GRIN2A: variants seen among roughly 807,000 people sequenced by gnomAD.
GRIN2A encodes glutamate receptor ionotropic, NMDA 2A.
GRIN2A carries 22 observed loss-of-function variants against 113.4 expected under a neutral mutation model. The ratio of observed to expected loss-of-function variants is 0.19; its 90% CI spans 0.14 to 0.28. GRIN2A has a LOEUF of 0.28. Among genes scored for constraint, GRIN2A ranks in the 10% least tolerant of loss-of-function variants. The probability of loss-of-function intolerance (pLI) is 1.00; values close to 1 mark genes in which losing one functional copy is unlikely to be tolerated. For synonymous variants in GRIN2A, 827 were observed against 738.4 expected, an observed-to-expected ratio of 1.12 and a Z score of -1.94; for missense variants, 1,502 against 1,887.0, an observed-to-expected ratio of 0.80 and a Z score of 3.78.
At position 10,044,022 on chromosome 16, in the gene GRIN2A, T is replaced by TATATATAGAG. The variant is rs531659457; in HGVS notation, c.415-105472_415-105471insCTCTATATAT. 4.9e-3 allele frequency among the ~76,000 whole-genome samples: 526 copies of TATATATAGAG among 107,830 alleles called. 4 individuals carry two copies. The highest frequency in any genetic ancestry group is 0.016 in the African/African-American group (410 of 25,502). 70.7% of individuals were successfully genotyped at this position (107,830 alleles called of 152,430 possible). A position where few individuals can be genotyped will look rare whatever the true frequency, so the allele number is the denominator to read the frequency against. ...GTGTGTGTGTGTATATATATATATATAGAGAGAGAGAGAGAGAGAGAGAGA... is the reference window on the plus strand; with the variant it reads ...GTGTGTGTGTGTATATATATATATATATATATAGAGAGAGAGAGAGAGAGAGAGAGAGAGA... On this transcript the variant is annotated intron_variant, in intron 2 of 12. Coordinates refer to ENST00000330684, the MANE Select transcript of GRIN2A (RefSeq NM_001134407.3).
chr16:9,887,088 T>C (rs900994649), intron 4 of GRIN2A, among the ~76,000 whole-genome samples: 3 of 152,290 alleles, frequency 2.0e-5, no homozygotes, highest in African/African-American at 7.2e-5. Flanking sequence ...GATTTCATCA[T>C]GTTGCCCAGG....
chr16:10,065,328 C>G (rs1230114946), intron 2 of GRIN2A, among the ~76,000 whole-genome samples: 2 of 152,226 alleles, frequency 1.3e-5, no homozygotes, highest in Non-Finnish European at 2.9e-5. Flanking sequence ...GCACCTGCAA[C>G]CCAGAGCATC....
intron 4 of GRIN2A, among the ~76,000 whole-genome samples, chr16:9,888,157 T>C (rs2043622610): frequency 6.6e-6 from 1 of 152,094 alleles, no homozygotes; most frequent in Admixed American, 6.5e-5. Flanking sequence ...GTCAGGCTGG[T>C]CTCGAACTCC....
intron 2 of GRIN2A, among the ~76,000 whole-genome samples, chr16:10,131,890 C>T (rs1459506157): frequency 6.6e-6 from 1 of 152,140 alleles, no homozygotes; most frequent in Non-Finnish European, 1.5e-5. Flanking sequence ...GTTATTATTA[C>T]TACTACTGTT....
chr16:9,992,161 T>C (rs919704639), intron 2 of GRIN2A, among the ~76,000 whole-genome samples: 3 of 152,178 alleles, frequency 2.0e-5, no homozygotes, highest in African/African-American at 7.2e-5. Flanking sequence ...TAGTATTCCA[T>C]GGTATGTTTA....
chr16:10,044,599 T>A (rs539625457), intron 2 of GRIN2A, among the ~76,000 whole-genome samples: 2 of 150,744 alleles, frequency 1.3e-5, no homozygotes, highest in Admixed American at 1.3e-4. Flanking sequence ...TTTTGAAAAG[T>A]TTTTAGACAA....
intron 2 of GRIN2A, among the ~76,000 whole-genome samples, chr16:10,103,764 G>T (rs1356292417): frequency 6.6e-6 from 1 of 152,108 alleles, no homozygotes; most frequent in African/African-American, 2.4e-5. Context: ...CATACTTTTT[G>T]GAGGTAGATT....
chr16:10,081,834 T>C (rs2047989879), intron 2 of GRIN2A, among the ~76,000 whole-genome samples: 1 of 152,144 alleles, frequency 6.6e-6, no homozygotes, highest in African/African-American at 2.4e-5. Context: ...AGTAGGAACC[T>C]CCAAGGCCCT....
intron 2 of GRIN2A, among the ~76,000 whole-genome samples, chr16:10,072,627 G>A (rs1349390387): frequency 1.3e-5 from 2 of 152,164 alleles, no homozygotes; most frequent in Non-Finnish European, 2.9e-5. Flanking sequence ...GTTTGGGTGG[G>A]TAGGCTTCTA....
intron 7 of GRIN2A, among the ~76,000 whole-genome samples, chr16:9,835,394 A>G (rs924151163): frequency 6.6e-6 from 1 of 152,224 alleles, no homozygotes; most frequent in Non-Finnish European, 1.5e-5. Flanking sequence ...TAAGCCTTGT[A>G]ACACTCTAGA....
At chr16:10,157,051 A>G (rs1443586311) in intron 2 of GRIN2A, among the ~76,000 whole-genome samples, 1 of 152,180 alleles carries the variant, frequency 6.6e-6, no homozygotes, top group Non-Finnish European at 1.5e-5. Context: ...TATAATGTTG[A>G]TATCACCAAA....
chr16:9,775,138 T>C (rs527930787), intron 11 of GRIN2A, among the ~76,000 whole-genome samples: 22 of 152,324 alleles, frequency 1.4e-4, no homozygotes, highest in Admixed American at 4.6e-4. Flanking sequence ...CTGTACCCTT[T>C]AGGCTTTGTC....
chr16:10,115,127 T>C (rs2142160720), intron 2 of GRIN2A, among the ~76,000 whole-genome samples: 1 of 152,368 alleles, frequency 6.6e-6, no homozygotes, highest in East Asian at 1.9e-4. Context: ...GTTGCAATTG[T>C]ATATAAAGTA....
chr16:9,926,579 T>G (rs2044469808), intron 3 of GRIN2A, among the ~76,000 whole-genome samples: 1 of 152,204 alleles, frequency 6.6e-6, no homozygotes, highest in African/African-American at 2.4e-5. Flanking sequence ...TTCTAATATC[T>G]GCCAATCTTA....
intron 2 of GRIN2A, chr16:10,111,847 G>C: frequency 2.8e-6 from 3 of 1,082,526 alleles, no homozygotes; most frequent in Non-Finnish European, 4.2e-6. Context: ...CAAGTTGGTG[G>C]GCATCATCTC....
intron 2 of GRIN2A, among the ~76,000 whole-genome samples, chr16:10,149,739 C>T (rs922392647): frequency 3.9e-5 from 6 of 152,152 alleles, no homozygotes; most frequent in African/African-American, 1.4e-4. Flanking sequence ...TGCCCCCTAT[C>T]CCCTCCTCAC....
At position 9,762,810 on chromosome 16, in the gene GRIN2A, T is replaced by C. The variant is rs556078525; in HGVS notation, c.*339A>G. ...GGGCTGACCTTAATGGAATTTGGAATATAGGAAATCATAACATCACCATTG... is the reference window on the plus strand; with the variant it reads ...GGGCTGACCTTAATGGAATTTGGAACATAGGAAATCATAACATCACCATTG... On this transcript the variant is annotated 3_prime_UTR_variant, in exon 13 of 13. Transcript: ENST00000330684. 24 of 433,750 alleles carry C rather than the reference T, an allele frequency of 5.5e-5. No homozygotes were observed. Among genetic ancestry groups the C allele is most frequent in the Middle Eastern group, 6.2e-4 (1 of 1,612 alleles). 26.9% of individuals were successfully genotyped at this position (433,750 alleles called of 1,614,324 possible). A position where few individuals can be genotyped will look rare whatever the true frequency, so the allele number is the denominator to read the frequency against.
intron 2 of GRIN2A, among the ~76,000 whole-genome samples, chr16:10,107,397 G>C (rs768447018): frequency 1.3e-5 from 2 of 152,202 alleles, no homozygotes; most frequent in Non-Finnish European, 2.9e-5. Flanking sequence ...TCCAACTCTG[G>C]TGTTGAAACT....
chr16:10,105,066 C>G (rs2048471096), intron 2 of GRIN2A, among the ~76,000 whole-genome samples: 1 of 152,198 alleles, frequency 6.6e-6, no homozygotes, highest in Non-Finnish European at 1.5e-5. Context: ...CAGTGCCACT[C>G]TGGGTCTGGA....
Sources: gnomAD v4.1 joint callset for allele counts (sites outside exome capture counted in the v4.1 genomes callset) on GRCh38, gnomAD v4.1.1 for gene constraint, MANE v1.5 for transcripts, NCBI Gene and HGNC (gene_info 2026-07-23, HGNC 2026-07-21) for gene names.